The following CYP4X1 variants were observed in gnomAD, a reference collection of about 807,000 sequenced individuals.
CYP4X1 encodes the protein cytochrome P450 4X1.
A neutral mutation model predicts 57.9 loss-of-function variants in CYP4X1; 44 were observed. The observed-to-expected ratio is 0.76, with a 90% CI of 0.60 to 0.98. CYP4X1 has a LOEUF of 0.98. Ranked by LOEUF, CYP4X1 falls within the 50% of genes least tolerant of loss-of-function variation. CYP4X1 has a pLI of 0.00. For synonymous variants in CYP4X1, 227 were observed against 228.6 expected, an observed-to-expected ratio of 0.99 and a Z score of 0.06; for missense variants, 532 against 623.9, an observed-to-expected ratio of 0.85 and a Z score of 1.57.
At chr1:46,999,847 C>T in the CYP4X1 span, among the ~76,000 whole-genome samples, 2 of 151,924 alleles carry the variant, frequency 1.3e-5, no homozygotes, top group Non-Finnish European at 2.9e-5. Context: ...GTCCACCATC[C>T]CTATCTCTTT....
upstream of CYP4X1, chr1:47,023,445 A>T: frequency 1.2e-6 from 1 of 830,260 alleles, no homozygotes; most frequent in Non-Finnish European, 1.5e-6. Flanking sequence ...TCTCTTGCAT[A>T]GCCATTTATA....
At chr1:47,054,956 G>A (rs1007345275), downstream of CYP4X1, among the ~76,000 whole-genome samples, 9 of 152,124 alleles carry the variant, frequency 5.9e-5, no homozygotes, top group Non-Finnish European at 1.0e-4. Flanking sequence ...CCAACACTAT[G>A]TTGAATAGGA....
At chr1:46,981,688 T>C in the CYP4X1 span, among the ~76,000 whole-genome samples, 1 of 152,212 alleles carries the variant, frequency 6.6e-6, no homozygotes, top group Non-Finnish European at 1.5e-5. Flanking sequence ...CACATGTATG[T>C]TTATTGCGGC....
the CYP4X1 span, among the ~76,000 whole-genome samples, chr1:46,984,649 G>C: frequency 1.3e-5 from 2 of 152,128 alleles, no homozygotes; most frequent in Non-Finnish European, 2.9e-5. Flanking sequence ...ATGGGGGGCT[G>C]TGCCTTGAGG....
At chr1:47,038,194 CT>C (rs1553152679) in intron 6 of CYP4X1, among the ~76,000 whole-genome samples, 1 of 152,146 alleles carries the variant, frequency 6.6e-6, no homozygotes, top group Non-Finnish European at 1.5e-5. Context: ...ACATGTACCC[CT>C]GTATCTAAAA....
At chr1:47,005,861 A>G in the CYP4X1 span, among the ~76,000 whole-genome samples, 1 of 152,234 alleles carries the variant, frequency 6.6e-6, no homozygotes, top group Non-Finnish European at 1.5e-5. Context: ...TCAAAACAAA[A>G]TGATTTGACT....
downstream of CYP4X1, among the ~76,000 whole-genome samples, chr1:47,055,410 A>G (rs576579597): frequency 5.5e-4 from 84 of 152,164 alleles, no homozygotes; most frequent in African/African-American, 1.8e-3. Context: ...CCAGGCTTTG[A>G]TATCAGGATG....
upstream of CYP4X1, among the ~76,000 whole-genome samples, chr1:47,020,391 G>A (rs1180054330): frequency 6.6e-6 from 1 of 152,186 alleles, no homozygotes; most frequent in African/African-American, 2.4e-5. Context: ...TGAATGAATG[G>A]ATAAAAGCAT....
chr1:47,043,275 C>A (rs1487595261), intron 8 of CYP4X1, among the ~76,000 whole-genome samples: 1 of 152,100 alleles, frequency 6.6e-6, no homozygotes, highest in African/African-American at 2.4e-5. Flanking sequence ...ATTGTCTATT[C>A]ATGTCCTTTG....
chr1:46,993,762 C>T, the CYP4X1 span, among the ~76,000 whole-genome samples: 2 of 152,102 alleles, frequency 1.3e-5, no homozygotes, highest in African/African-American at 4.8e-5. Context: ...CCTTTGCCCA[C>T]TTTTTGATGG....
intron 8 of CYP4X1, among the ~76,000 whole-genome samples, chr1:47,044,537 CACT>C (rs139971713): frequency 0.25 from 37,453 of 151,864 alleles, 5,527 homozygotes; most frequent in East Asian, 0.69. Flanking sequence ...AACATACCAC[CACT>C]ACATTATTAG....
chr1:47,014,374 G>T, the CYP4X1 span, among the ~76,000 whole-genome samples: 1 of 152,100 alleles, frequency 6.6e-6, no homozygotes, highest in African/African-American at 2.4e-5. Flanking sequence ...GGGTGAGGTT[G>T]GGGTAGGAAA....
chr1:47,038,699 G>A lies in CYP4X1; in HGVS notation c.815G>A (p.Gly272Glu), dbSNP rs1456399068. The A allele has an allele frequency of 7.5e-6, 12 of 1,610,550 alleles. No individual in the cohort carries two copies. The highest frequency in any genetic ancestry group is 7.6e-6 in the Non-Finnish European group (9 of 1,178,402). The change falls in exon 7 of 12, where the codon GGG becomes GAG. Residue 272 changes from glycine to glutamate, a missense_variant. By Grantham distance (98) the Gly-to-Glu change is moderately conservative (BLOSUM62 -2). Transcript: ENST00000371901. ...IQERKKSLQAGVKQDNTPKRK... is the reference protein window; with the variant it reads ...IQERKKSLQAEVKQDNTPKRK... The stretch of plus-strand genomic sequence containing the variant: ...GAAAGAAAGAAATCCCTCCAGGCTG[G>A]GGTAAAGCAGGATAACACTCCGAAG...
intron 8 of CYP4X1, among the ~76,000 whole-genome samples, chr1:47,041,721 C>T (rs934498002): frequency 9.2e-5 from 14 of 152,036 alleles, no homozygotes; most frequent in African/African-American, 3.4e-4. Flanking sequence ...TTCTCCCATC[C>T]TTTAAGTTGT....
the CYP4X1 span, chr1:47,001,146 TG>T: frequency 4.7e-6 from 1 of 212,130 alleles, no homozygotes. Context: ...GGACAGGCTC[TG>T]GCCTGTAAGC....
chr1:47,050,208 T>A lies in CYP4X1; in HGVS notation c.*34T>A. On this transcript the variant is annotated 3_prime_UTR_variant, in exon 12 of 12. Coordinates refer to ENST00000371901, the MANE Select transcript of CYP4X1 (RefSeq NM_178033.2). ...GTACAATGATTAAACGTACTTTGTT[T>A]TTCGAAGTTAAATTTACAGCTAATG... 6.2e-7 allele frequency: 1 copy of A among 1,609,972 alleles called. No individual in the cohort carries two copies. Among genetic ancestry groups the A allele is most frequent in the Non-Finnish European group, 8.5e-7 (1 of 1,177,464 alleles).
At position 47,050,022 on chromosome 1, in the gene CYP4X1, G is replaced by A. The variant is rs1644345565; in HGVS notation, c.1378G>A (p.Ala460Thr). The change falls in exon 12 of 12, where the codon GCC (alanine) becomes ACC (threonine). Residue 460 changes from alanine to threonine, a missense_variant. Transcript: ENST00000371901. ...CAGGAACTGCATTGGGCAGGAGTTTGCCATGATTGAGTTAAAGGTAACCAT... is the reference window on the plus strand; with the variant it reads ...CAGGAACTGCATTGGGCAGGAGTTTACCATGATTGAGTTAAAGGTAACCAT... ...GSRNCIGQEF[A>T]MIELKVTIAL... is the part of the protein sequence containing the mutation. 2.5e-6 allele frequency: 4 copies of A among 1,613,862 alleles called. No individual in the cohort carries two copies. In the East Asian group the frequency reaches 8.9e-5, roughly 36 times the overall value.
chr1:47,037,785 A>T (rs549596922), intron 6 of CYP4X1, among the ~76,000 whole-genome samples: 8 of 152,168 alleles, frequency 5.3e-5, no homozygotes, highest in Admixed American at 1.3e-4. Flanking sequence ...TAGTACTTGT[A>T]TAATTTCATT....
intron 1 of CYP4X1, among the ~76,000 whole-genome samples, chr1:47,027,632 A>T (rs1644084175): frequency 6.6e-6 from 1 of 152,210 alleles, no homozygotes; most frequent in Admixed American, 6.5e-5. Flanking sequence ...TTACAGAAGG[A>T]TAAAGTGTGT....
Sources: gnomAD v4.1 joint callset for allele counts (sites outside exome capture counted in the v4.1 genomes callset) on GRCh38, gnomAD v4.1.1 for gene constraint, MANE v1.5 for transcripts, NCBI Gene and HGNC (gene_info 2026-07-23, HGNC 2026-07-21) for gene names.